Variants in DMD observed in about 807,000 individuals in gnomAD.
DMD encodes the protein mutant dystrophin.
Under a neutral mutation model 330.1 loss-of-function variants are expected in DMD, and 63 were observed. The ratio of observed to expected loss-of-function variants is 0.19; its 90% CI spans 0.16 to 0.24. DMD has a LOEUF of 0.24. Among genes scored for constraint, DMD ranks in the 10% least tolerant of loss-of-function variants. The pLI, the probability that DMD is intolerant of heterozygous loss-of-function variation, is 1.00. For synonymous variants in DMD, 1,223 were observed against 959.8 expected (o/e 1.27, Z -5.07); for missense variants, 3,344 against 2,684.1 (o/e 1.25, Z -5.43).
intron 48 of DMD, among the ~76,000 whole-genome samples, chrX:31,850,113 C>G (rs184799738): frequency 1.7e-4 from 19 of 111,071 alleles, no homozygotes; most frequent in Admixed American, 1.6e-3. Context: ...GTTCTCATCA[C>G]TTAGCTCCCA....
intron 17 of DMD, 108 bp from the exon 18 acceptor site, chrX:32,518,239 T>C: frequency 1.3e-6 from 1 of 776,745 alleles, no homozygotes; most frequent in Non-Finnish European, 1.9e-6. Context: ...CTGAGACTCC[T>C]GCCTGACACC....
At chrX:32,507,849 G>T (rs1243822143) in intron 18 of DMD, among the ~76,000 whole-genome samples, 1 of 111,310 alleles carries the variant, frequency 9.0e-6, no homozygotes, top group African/African-American at 3.3e-5. Context: ...CTGAGCATCA[G>T]TAAGATTAAA....
At chrX:31,745,795 CT>C (rs981708532) in intron 51 of DMD, among the ~76,000 whole-genome samples, 1 of 112,021 alleles carries the variant, frequency 8.9e-6, no homozygotes, top group African/African-American at 3.2e-5. Flanking sequence ...TTGTTAAATT[CT>C]TACATTCCTA....
chrX:33,195,976 A>C lies in DMD; in HGVS notation c.31+15306T>G, dbSNP rs567268476. ...CTCAAGGAGCAAGAGAGTGAGTCAGAAGCCGAGAAGCAAACTGACAGCTAA... is the reference window on the plus strand; with the variant it reads ...CTCAAGGAGCAAGAGAGTGAGTCAGCAGCCGAGAAGCAAACTGACAGCTAA... On this transcript the variant is annotated intron_variant, in intron 1 of 78. Transcript: ENST00000357033. 1.7e-4 allele frequency among the ~76,000 whole-genome samples: 19 copies of C among 111,735 alleles called. No individual in the cohort carries two copies. In the South Asian group the frequency reaches 2.6e-3, roughly 15 times the overall value.
intron 48 of DMD, among the ~76,000 whole-genome samples, chrX:31,854,610 C>G (rs770344122): frequency 2.7e-5 from 3 of 111,849 alleles, no homozygotes; most frequent in East Asian, 5.6e-4. Flanking sequence ...TATGGTGAAT[C>G]TGAGATTTGA....
intron 60 of DMD, among the ~76,000 whole-genome samples, chrX:31,367,597 T>C (rs1336727414): frequency 9.0e-6 from 1 of 111,641 alleles, no homozygotes; most frequent in Admixed American, 9.5e-5. Context: ...CAATCAATAA[T>C]AATAATTGTA....
intron 44 of DMD, among the ~76,000 whole-genome samples, chrX:31,977,777 C>G (rs1231705531): frequency 1.1e-5 from 1 of 92,532 alleles, no homozygotes; most frequent in African/African-American, 4.1e-5. Flanking sequence ...TGGGCACGCC[C>G]TCTGCAAATC....
chrX:32,634,674 G>A (rs967579325), intron 11 of DMD, among the ~76,000 whole-genome samples: 4 of 111,670 alleles, frequency 3.6e-5, no homozygotes, highest in African/African-American at 9.8e-5. Context: ...GACTCTGCCT[G>A]GTGCCCTATC....
At chrX:31,814,956 G>A (rs763052655) in intron 50 of DMD, among the ~76,000 whole-genome samples, 5 of 112,101 alleles carry the variant, frequency 4.5e-5, no homozygotes, top group Non-Finnish European at 7.5e-5. Context: ...TAACATCCTC[G>A]GGGTGGGGAG....
intron 44 of DMD, among the ~76,000 whole-genome samples, chrX:32,207,688 A>T (rs745736226): frequency 8.9e-6 from 1 of 112,101 alleles, no homozygotes; most frequent in South Asian, 3.7e-4. Flanking sequence ...ATGAGATTAA[A>T]TTTGAAAGTT....
At chrX:32,559,020 G>A (rs987428824) in intron 16 of DMD, among the ~76,000 whole-genome samples, 2 of 92,419 alleles carry the variant, frequency 2.2e-5, no homozygotes, top group African/African-American at 4.4e-5. Context: ...GCATGATCTC[G>A]GCTCACTGCA....
chrX:32,645,605 A>C (rs2059732100), intron 9 of DMD, among the ~76,000 whole-genome samples: 1 of 111,762 alleles, frequency 8.9e-6, no homozygotes, highest in African/African-American at 3.3e-5. Context: ...TTTACAGACC[A>C]GTAAAGGCAT....
chrX:31,921,819 T>C (rs1168518090), intron 47 of DMD, among the ~76,000 whole-genome samples: 3 of 111,914 alleles, frequency 2.7e-5, no homozygotes, highest in Non-Finnish European at 5.6e-5. Flanking sequence ...TGGTAGCAAG[T>C]GGAATCCATA....
intron 7 of DMD, among the ~76,000 whole-genome samples, chrX:32,802,839 A>C (rs2076676717): frequency 8.9e-6 from 1 of 111,807 alleles, no homozygotes; most frequent in Non-Finnish European, 1.9e-5. Flanking sequence ...ATCATGGTGG[A>C]TAACCTTTTT....
chrX:32,584,423 G>A (rs986054966), intron 13 of DMD, among the ~76,000 whole-genome samples: 1 of 111,621 alleles, frequency 9.0e-6, no homozygotes, highest in Non-Finnish European at 1.9e-5. Flanking sequence ...CTATTCTTAG[G>A]TAAATACCTA....
In DMD at chrX:33,014,276, C is replaced by A. The variant is rs186762202; in HGVS notation, c.93+5863G>T. Among the ~76,000 whole-genome samples, 245 of 111,735 alleles carry A rather than the reference C, an allele frequency of 2.2e-3. 1 individual carries two copies. Among genetic ancestry groups the A allele is most frequent in the African/African-American group, 7.4e-3 (228 of 30,812 alleles). ...ATGGCTGTAGAGGCCAGATACCAAG[C>A]ACAGAGCATCATCAGCAAAACCTTC... On this transcript the variant is annotated intron_variant, in intron 2 of 78. Coordinates refer to ENST00000357033, the MANE Select transcript of DMD (RefSeq NM_004006.3).
At chrX:32,630,247 A>C (rs7058068) in intron 11 of DMD, among the ~76,000 whole-genome samples, 2 of 111,211 alleles carry the variant, frequency 1.8e-5, no homozygotes, top group Non-Finnish European at 3.8e-5. Context: ...CTTTAAATGT[A>C]TCATGCCACT....
intron 12 of DMD, 62 bp from the exon 13 acceptor site, chrX:32,595,938 T>G: frequency 1.0e-6 from 1 of 1,003,492 alleles, no homozygotes; most frequent in Non-Finnish European, 1.4e-6. Context: ...GTTGAAATGA[T>G]TTGCTCTCAA....
At position 32,343,144 on chromosome X, in the gene DMD, C is replaced by T. The variant is rs1160873705; in HGVS notation, c.5729G>A (p.Arg1910Lys). 1 of 1,208,164 alleles carries T rather than the reference C, an allele frequency of 8.3e-7. No homozygotes were observed. Among genetic ancestry groups the T allele is most frequent in the African/African-American group, 1.8e-5 (1 of 56,928 alleles). ...LASLPEPRDE[R>K]KIKEIDRELQ... ...CTAAAACAACATTACCTTTATTTTC[C>T]TTTCATCTCTGGGCTCAGGTAGGCT... Residue 1910 changes from arginine (R) to lysine (K), a missense_variant, in exon 40 of 79, where the codon AGG becomes AAG. Coordinates refer to ENST00000357033, the MANE Select transcript of DMD (RefSeq NM_004006.3).
Sources: allele counts gnomAD v4.1 joint callset (sites outside exome capture counted in the v4.1 genomes callset), GRCh38; gene constraint gnomAD v4.1.1; transcripts MANE v1.5; gene names NCBI Gene and HGNC (gene_info 2026-07-23, HGNC 2026-07-21).